The following STPG2 variants were observed in gnomAD, a reference collection of about 807,000 sequenced individuals.
The protein encoded by STPG2 is sperm tail PG-rich repeat containing 2.
STPG2 carries 56 observed loss-of-function variants against 54.2 expected under a neutral mutation model. The observed-to-expected ratio is 1.03, with a 90% CI of 0.83 to 1.29. The LOEUF is 1.29. Among genes scored for constraint, STPG2 ranks in the 50% most tolerant of loss-of-function variants. The pLI, the probability that STPG2 is intolerant of heterozygous loss-of-function variation, is 0.00. For missense variants in STPG2, 596 were observed against 544.9 expected, an observed-to-expected ratio of 1.09 and a Z score of -0.93; for synonymous variants, 200 against 181.8, an observed-to-expected ratio of 1.10 and a Z score of -0.81.
At chr4:97,763,558 T>A (rs1480355476) in intron 9 of STPG2, among the ~76,000 whole-genome samples, 2 of 152,096 alleles carry the variant, frequency 1.3e-5, no homozygotes, top group Non-Finnish European at 2.9e-5. Context: ...GACCAAATAT[T>A]CCAGTTTGGC....
At chr4:97,497,832 C>T (rs1730642693) in intron 4 of STPG2, among the ~76,000 whole-genome samples, 1 of 151,810 alleles carries the variant, frequency 6.6e-6, no homozygotes. Flanking sequence ...CTTTTTGTAT[C>T]TACATACACA....
In STPG2 at chr4:97,659,670, C is replaced by T. The variant is rs548906421; in HGVS notation, c.1320+53029G>A. 2.0e-5 allele frequency among the ~76,000 whole-genome samples: 3 copies of T among 152,302 alleles called. No homozygotes were observed. In the East Asian group the frequency reaches 5.8e-4, roughly 29 times the overall value. The stretch of plus-strand genomic sequence containing the variant: ...CACACTACATAATCCTTGTAGGTTT[C>T]AGTACCAGTTCAGTGATATAATAAT... On this transcript the variant is annotated intron_variant, in intron 10 of 10. Coordinates refer to ENST00000295268, the MANE Select transcript of STPG2 (RefSeq NM_174952.3).
At chr4:98,050,287 T>C (rs1578813277) in intron 5 of STPG2, among the ~76,000 whole-genome samples, 1 of 152,328 alleles carries the variant, frequency 6.6e-6, no homozygotes, top group Non-Finnish European at 1.5e-5. Flanking sequence ...ATATATCTGG[T>C]ATTTACATCA....
At chr4:97,443,397 CTTAAGACATT>C (rs1432518838) in intron 4 of STPG2, among the ~76,000 whole-genome samples, 3 of 152,078 alleles carry the variant, frequency 2.0e-5, no homozygotes, top group Non-Finnish European at 4.4e-5. Context: ...CATGTTCCTC[CTTAAGACATT>C]TGCTAAATTT....
intron 10 of STPG2, among the ~76,000 whole-genome samples, chr4:97,606,045 G>T (rs1733584301): frequency 6.6e-6 from 1 of 151,876 alleles, no homozygotes; most frequent in Admixed American, 6.6e-5. Context: ...CAAAGCAGCA[G>T]CTCAGCTCTA....
chr4:97,555,842 A>G (rs911677695), downstream of STPG2, among the ~76,000 whole-genome samples: 29 of 152,120 alleles, frequency 1.9e-4, no homozygotes, highest in Non-Finnish European at 2.9e-4. Flanking sequence ...TTATAAATAG[A>G]AGACACAAAG....
intron 10 of STPG2, among the ~76,000 whole-genome samples, chr4:97,615,168 T>C (rs1364353040): frequency 6.6e-6 from 1 of 152,172 alleles, no homozygotes; most frequent in Non-Finnish European, 1.5e-5. Context: ...TTTAGCAGAA[T>C]GCATGTTGCT....
At chr4:97,762,435 T>C (rs1017331958) in intron 9 of STPG2, among the ~76,000 whole-genome samples, 1 of 152,128 alleles carries the variant, frequency 6.6e-6, no homozygotes, top group Non-Finnish European at 1.5e-5. Flanking sequence ...AGAATGTTCA[T>C]GGGGACAGTT....
intron 10 of STPG2, among the ~76,000 whole-genome samples, chr4:97,655,743 T>G (rs1722203040): frequency 6.6e-6 from 1 of 152,164 alleles, no homozygotes; most frequent in Non-Finnish European, 1.5e-5. Flanking sequence ...TGCTGCACTA[T>G]TACAAGCTAG....
intron 7 of STPG2, among the ~76,000 whole-genome samples, chr4:97,971,117 C>A (rs1734309701): frequency 6.6e-6 from 1 of 152,154 alleles, no homozygotes; most frequent in Non-Finnish European, 1.5e-5. Context: ...CATCTCACAC[C>A]AGTTAGAATG....
chr4:97,627,841 T>C (rs1328587422), intron 10 of STPG2, among the ~76,000 whole-genome samples: 2 of 146,654 alleles, frequency 1.4e-5, no homozygotes, highest in African/African-American at 5.5e-5. Flanking sequence ...AGGAAACTGG[T>C]TGATGTAATT....
chr4:97,884,981 C>T (rs1730510599), intron 8 of STPG2, among the ~76,000 whole-genome samples: 1 of 151,918 alleles, frequency 6.6e-6, no homozygotes, highest in Non-Finnish European at 1.5e-5. Context: ...GAAAAGCATC[C>T]CTACAGACAA....
chr4:97,945,246 T>C (rs543910676), intron 7 of STPG2, among the ~76,000 whole-genome samples: 4 of 152,162 alleles, frequency 2.6e-5, no homozygotes, highest in East Asian at 3.9e-4. Context: ...AAGTCCATTA[T>C]ATCACTCTGT....
intron 9 of STPG2, among the ~76,000 whole-genome samples, chr4:97,813,421 T>C (rs1256221044): frequency 6.6e-6 from 1 of 152,018 alleles, no homozygotes; most frequent in Non-Finnish European, 1.5e-5. Context: ...ATTGAGCACT[T>C]ACTATGCTAT....
chr4:97,785,156 C>T (rs189453370), intron 9 of STPG2, among the ~76,000 whole-genome samples: 12 of 151,926 alleles, frequency 7.9e-5, no homozygotes, highest in Non-Finnish European at 1.5e-4. Context: ...TATAATTGTA[C>T]TGTCATATAA....
At chr4:97,917,002 C>A (rs1325932116) in intron 8 of STPG2, 1 of 152,724 alleles carries the variant, frequency 6.5e-6, no homozygotes. Flanking sequence ...GAGAACTTTT[C>A]TGGAATCTGC....
intron 8 of STPG2, among the ~76,000 whole-genome samples, chr4:97,849,591 C>T (rs1178069640): frequency 1.3e-5 from 2 of 152,080 alleles, no homozygotes; most frequent in African/African-American, 2.4e-5. Context: ...ACAAACAACC[C>T]CATCAAAAAG....
rs543625844 is a variant in STPG2 at position 97,821,664 on chromosome 4, G to A, written c.1204+19109C>T. On this transcript the variant is annotated intron_variant, in intron 9 of 10. Coordinates refer to ENST00000295268, the MANE Select transcript of STPG2 (RefSeq NM_174952.3). ...TATATCCTCTGAAATCTAAGCACAG[G>A]CCGCCAAGCCTCCCTCACTCTTGCA... Among the ~76,000 whole-genome samples the A allele has an allele frequency of 6.6e-5, 10 of 152,300 alleles. No homozygotes were observed. In the East Asian group the frequency reaches 9.7e-4, roughly 15 times the overall value.
chr4:97,596,011 C>A (rs1409961203), intron 10 of STPG2, among the ~76,000 whole-genome samples: 1 of 152,154 alleles, frequency 6.6e-6, no homozygotes, highest in Middle Eastern at 3.2e-3. Flanking sequence ...AATACGCTTT[C>A]TTCAAGAGAT....
Sources: allele counts gnomAD v4.1 joint callset (sites outside exome capture counted in the v4.1 genomes callset), GRCh38; gene constraint gnomAD v4.1.1; transcripts MANE v1.5; gene names NCBI Gene and HGNC (gene_info 2026-07-23, HGNC 2026-07-21).